Variants in SLC22A25 observed in about 807,000 individuals in gnomAD.
SLC22A25 encodes the protein MGI:2442751, MGI:2385316, MGI:3042283, MGI:3645714, MGI:3605624, MGI:2442750.
In SLC22A25, 44 loss-of-function variants were observed where a neutral mutation model predicts 45.9. The observed-to-expected ratio is 0.96, with a 90% CI of 0.75 to 1.23. The LOEUF is 1.23. SLC22A25 is among the 50% of genes most tolerant of loss of function. The pLI, the probability that SLC22A25 is intolerant of heterozygous loss-of-function variation, is 0.00. For synonymous variants in SLC22A25, 283 were observed against 238.6 expected, an observed-to-expected ratio of 1.19 and a Z score of -1.72; for missense variants, 800 against 666.4, an observed-to-expected ratio of 1.20 and a Z score of -2.21.
At chr11:63,187,911 G>C (rs1346909057) in intron 7 of SLC22A25, among the ~76,000 whole-genome samples, 1 of 152,198 alleles carries the variant, frequency 6.6e-6, no homozygotes, top group Non-Finnish European at 1.5e-5. Flanking sequence ...GATCATGTTG[G>C]ATAAGCTTTT....
intron 3 of SLC22A25, among the ~76,000 whole-genome samples, chr11:63,233,542 C>A (rs2090109266): frequency 6.6e-6 from 1 of 152,018 alleles, no homozygotes; most frequent in South Asian, 2.1e-4. Flanking sequence ...CTTTATTAGT[C>A]CTGCTAGCAG....
In SLC22A25 at chr11:63,217,301, G is replaced by A. The variant is rs1423955174; in HGVS notation, c.830+13C>T. 2 of 1,609,386 alleles carry A rather than the reference G, an allele frequency of 1.2e-6. No homozygotes were observed. The highest frequency in any genetic ancestry group is 3.4e-5 in the Admixed American group (2 of 59,148). On this transcript the variant is annotated intron_variant, in intron 7 of 11. Transcript: ENST00000306494. ...GGATGTCATATGGCAAAAGAAGAAT[G>A]CAAGCTCAATACCTTGAGAACAGAA...
chr11:63,230,444 T>G (rs976150063), intron 3 of SLC22A25, among the ~76,000 whole-genome samples: 1 of 152,220 alleles, frequency 6.6e-6, no homozygotes, highest in African/African-American at 2.4e-5. Flanking sequence ...TCAAAAATCT[T>G]GCAGTTCAGT....
rs1476107286 is a variant in SLC22A25 at position 63,174,118 on chromosome 11, T to C, written c.1070+6542A>G. Among the ~76,000 whole-genome samples the C allele has an allele frequency of 2.0e-5, 3 of 152,102 alleles. No individual in the cohort carries two copies. In the East Asian group the frequency reaches 5.8e-4, roughly 29 times the overall value. Reference sequence around the variant, plus strand: ...TCCCTGTGTCCATGTGTTCTCATTGTTCAACTCCCACTTATCAGTGAGAAC... The same window carrying C: ...TCCCTGTGTCCATGTGTTCTCATTGCTCAACTCCCACTTATCAGTGAGAAC... On this transcript the variant is annotated intron_variant, in intron 9 of 11. Coordinates refer to ENST00000306494, the MANE Select transcript of SLC22A25 (RefSeq NM_199352.6).
In SLC22A25 at chr11:63,159,985, T is replaced by A. The variant is rs959583453; in HGVS notation, c.*3839A>T. 6.6e-6 allele frequency among the ~76,000 whole-genome samples: 1 copy of A among 152,166 alleles called. No individual in the cohort carries two copies. The highest frequency in any genetic ancestry group is 1.5e-5 in the Non-Finnish European group (1 of 68,022). On this transcript the variant is annotated 3_prime_UTR_variant, in exon 12 of 12. Coordinates refer to ENST00000306494, the MANE Select transcript of SLC22A25 (RefSeq NM_199352.6). ...GATTTAGGGTATCTGTCAGAAGAAA[T>A]TTTTAAGCAGCAAAGCATTCAAGAT...
At chr11:63,220,737 C>T (rs1042029265) in intron 5 of SLC22A25, among the ~76,000 whole-genome samples, 3 of 151,952 alleles carry the variant, frequency 2.0e-5, no homozygotes, top group Non-Finnish European at 4.4e-5. Flanking sequence ...TTTTTGTGTA[C>T]CCATTAACCA....
intron 5 of SLC22A25, among the ~76,000 whole-genome samples, chr11:63,225,417 G>C (rs570507531): frequency 6.6e-6 from 1 of 151,984 alleles, no homozygotes; most frequent in Non-Finnish European, 1.5e-5. Context: ...TAGGGTAAAA[G>C]TTTTTTTTCT....
chr11:63,174,064 C>A (rs10897380), intron 9 of SLC22A25, among the ~76,000 whole-genome samples: 7 of 151,726 alleles, frequency 4.6e-5, no homozygotes, highest in Admixed American at 6.6e-5. Flanking sequence ...CCACCACCCC[C>A]TGACAGGCCC....
intron 5 of SLC22A25, among the ~76,000 whole-genome samples, chr11:63,220,546 A>G (rs1423867193): frequency 6.6e-6 from 1 of 152,234 alleles, no homozygotes; most frequent in Admixed American, 6.5e-5. Flanking sequence ...AAACAGACAT[A>G]CAATGTGTTA....
chr11:63,229,612 C>G lies in SLC22A25; in HGVS notation c.41G>C (p.Gly14Ala). 1.2e-6 allele frequency: 2 copies of G among 1,610,858 alleles called. No homozygotes were observed. Among genetic ancestry groups the G allele is most frequent in the Non-Finnish European group, 1.7e-6 (2 of 1,177,278 alleles). Residue 14 changes from glycine to alanine, a missense_variant, in exon 4 of 12, where the codon GGG (glycine) becomes GCG (alanine). Physicochemically the swap from Gly to Ala is moderately conservative, Grantham distance 60 (BLOSUM62 0). Coordinates refer to ENST00000306494, the MANE Select transcript of SLC22A25 (RefSeq NM_199352.6). ...QDLLDQVGGL[G>A]RFQILQMVFL... Reference sequence around the variant, plus strand: ...AACCATCTGAAGGATCTGGAATCTCCCCAGGCCTCCAACTTGATCTAGGAG... The same window carrying G: ...AACCATCTGAAGGATCTGGAATCTCGCCAGGCCTCCAACTTGATCTAGGAG...
chr11:63,166,760 T>C, intron 9 of SLC22A25: 4 of 986,344 alleles, frequency 4.1e-6, no homozygotes, highest in Non-Finnish European at 4.8e-6. Flanking sequence ...ATTCTGTAGA[T>C]GGTCTTGTGT....
chr11:63,229,796 C>A lies in SLC22A25; in HGVS notation c.-144G>T, dbSNP rs140885213. On this transcript the variant is annotated 5_prime_UTR_variant, in exon 4 of 12. The change abolishes an upstream ATG in the 5' untranslated region. Transcript: ENST00000306494. ...TCTCTTCTTAATGGGCCCTCTCTCC[C>A]ATCTGCAGCAGGGTCACGGAAGCAA... 2.4e-6 allele frequency: 2 copies of A among 833,758 alleles called. No individual in the cohort carries two copies. The highest frequency in any genetic ancestry group is 5.4e-5 in the East Asian group (2 of 37,078). 51.6% of individuals were successfully genotyped at this position (833,758 alleles called of 1,614,324 possible).
intron 3 of SLC22A25, among the ~76,000 whole-genome samples, chr11:63,233,445 G>C (rs1346490833): frequency 6.6e-6 from 1 of 152,200 alleles, no homozygotes; most frequent in Admixed American, 6.5e-5. Context: ...AGTATTGTCT[G>C]ATGGTAGTTT....
At position 63,162,211 on chromosome 11, in the gene SLC22A25, T is replaced by C. The variant is rs2134701226; in HGVS notation, c.*1613A>G. Reference sequence around the variant, plus strand: ...TTTGCAAGTATTTTCTCCCATTCTGTGGGTTGCCTCTTTACTTTGTTGAAT... The same window carrying C: ...TTTGCAAGTATTTTCTCCCATTCTGCGGGTTGCCTCTTTACTTTGTTGAAT... On this transcript the variant is annotated 3_prime_UTR_variant, in exon 12 of 12. Transcript: ENST00000306494. Among the ~76,000 whole-genome samples the C allele has an allele frequency of 6.6e-6, 1 of 152,328 alleles. No homozygotes were observed. Among genetic ancestry groups the C allele is most frequent in the Non-Finnish European group, 1.5e-5 (1 of 68,018 alleles).
chr11:63,180,215 C>T (rs987929041), intron 9 of SLC22A25, among the ~76,000 whole-genome samples: 8 of 152,114 alleles, frequency 5.3e-5, no homozygotes, highest in East Asian at 1.9e-4. Flanking sequence ...TTTTCTGTTA[C>T]GTCATCTTGC....
intron 7 of SLC22A25, among the ~76,000 whole-genome samples, chr11:63,207,433 C>T (rs986286436): frequency 6.6e-6 from 1 of 151,882 alleles, no homozygotes; most frequent in Non-Finnish European, 1.5e-5. Context: ...GAAAAAAATA[C>T]TCCATCAAAA....
chr11:63,180,744 T>C lies in SLC22A25; in HGVS notation c.986A>G (p.Glu329Gly). 1 of 1,613,184 alleles carries C rather than the reference T, an allele frequency of 6.2e-7. No individual in the cohort carries two copies. The highest frequency in any genetic ancestry group is 8.5e-7 in the Non-Finnish European group (1 of 1,179,488). The stretch of plus-strand genomic sequence containing the variant: ...AAGAGAATGCTTTTTCTGTGCTGCC[T>C]CCAGTTCTTGCTTCATGGTGGATTT... ...VLKSTMKQEL[E>G]AAQKKHSLCE... Residue 329 changes from glutamate to glycine, a missense_variant, in exon 9 of 12, where the codon GAG becomes GGG. Physicochemically the swap from Glu to Gly is moderately conservative, Grantham distance 98. Transcript: ENST00000306494.
intron 7 of SLC22A25, among the ~76,000 whole-genome samples, chr11:63,201,280 A>C (rs1332419732): frequency 6.6e-6 from 1 of 152,218 alleles, no homozygotes; most frequent in East Asian, 1.9e-4. Flanking sequence ...CAGTGACCAA[A>C]ACAGCATGGT....
chr11:63,223,687 C>A (rs1412675625), intron 5 of SLC22A25, among the ~76,000 whole-genome samples: 1 of 151,716 alleles, frequency 6.6e-6, no homozygotes, highest in Admixed American at 6.6e-5. Context: ...TTTTCTAGTT[C>A]TTTAAGATGC....
Sources: allele counts gnomAD v4.1 joint callset (sites outside exome capture counted in the v4.1 genomes callset), GRCh38; gene constraint gnomAD v4.1.1; transcripts MANE v1.5; gene names NCBI Gene and HGNC (gene_info 2026-07-23, HGNC 2026-07-21).